Variants in CADM2 observed in about 807,000 individuals in gnomAD.
CADM2 encodes cell adhesion molecule 2.
In CADM2, 12 loss-of-function variants were observed where a neutral mutation model predicts 49.8. That is an observed-to-expected ratio of 0.24 (90% CI 0.15 to 0.39). The LOEUF (loss-of-function observed/expected upper bound fraction) is 0.39. CADM2 is among the 10% of genes least tolerant of loss of function. CADM2 has a pLI of 1.00. For synonymous variants in CADM2, 214 were observed against 175.4 expected, an observed-to-expected ratio of 1.22 and a Z score of -1.74; for missense variants, 378 against 492.3, an observed-to-expected ratio of 0.77 and a Z score of 2.20.
At chr3:85,817,403 T>C (rs1251556646) in intron 3 of CADM2, among the ~76,000 whole-genome samples, 1 of 152,194 alleles carries the variant, frequency 6.6e-6, no homozygotes. Flanking sequence ...CAAATACACA[T>C]AGTCCACCCT....
At chr3:85,718,790 T>C (rs2067390195) in intron 1 of CADM2, among the ~76,000 whole-genome samples, 1 of 151,336 alleles carries the variant, frequency 6.6e-6, no homozygotes, top group Non-Finnish European at 1.5e-5. Flanking sequence ...AATCTCAAAA[T>C]ACACACAAAA....
intron 2 of CADM2, among the ~76,000 whole-genome samples, chr3:85,780,232 C>T (rs1246327846): frequency 6.6e-6 from 1 of 152,108 alleles, no homozygotes; most frequent in African/African-American, 2.4e-5. Context: ...TCAAAAAGGG[C>T]TGTGCGTACT....
intron 1 of CADM2, among the ~76,000 whole-genome samples, chr3:85,707,402 T>TTTTC (rs2066984525): frequency 6.6e-6 from 1 of 150,950 alleles, no homozygotes; most frequent in African/African-American, 2.4e-5. Flanking sequence ...TCTTTTTTTT[T>TTTTC]TTTTTTTTGT....
chr3:85,372,661 CT>C (rs1559806473), intron 1 of CADM2, among the ~76,000 whole-genome samples: 1 of 151,930 alleles, frequency 6.6e-6, no homozygotes, highest in Non-Finnish European at 1.5e-5. Context: ...GTATTAGTCT[CT>C]TTTCATACTG....
chr3:85,773,821 A>T (rs2070223268), intron 2 of CADM2, among the ~76,000 whole-genome samples: 1 of 152,012 alleles, frequency 6.6e-6, no homozygotes, highest in Admixed American at 6.6e-5. Flanking sequence ...CATGGAAAGT[A>T]TTACTAAATA....
chr3:85,088,028 G>T (rs1399033063), intron 1 of CADM2, among the ~76,000 whole-genome samples: 1 of 152,122 alleles, frequency 6.6e-6, no homozygotes, highest in Non-Finnish European at 1.5e-5. Flanking sequence ...TTTGTTCAAG[G>T]ATGATTATTT....
At chr3:85,473,420 A>C (rs1323132276) in intron 1 of CADM2, among the ~76,000 whole-genome samples, 2 of 152,040 alleles carry the variant, frequency 1.3e-5, no homozygotes, top group African/African-American at 4.8e-5. Flanking sequence ...TATCTTCATC[A>C]CTGCACCAGT....
chr3:85,561,792 G>C (rs1016867535), intron 1 of CADM2, among the ~76,000 whole-genome samples: 1 of 152,036 alleles, frequency 6.6e-6, no homozygotes, highest in Non-Finnish European at 1.5e-5. Context: ...AAAATTTAAA[G>C]GCAAATATCA....
intron 9 of CADM2, among the ~76,000 whole-genome samples, chr3:86,066,187 C>T (rs1384814986): frequency 6.6e-6 from 1 of 151,608 alleles, no homozygotes; most frequent in Non-Finnish European, 1.5e-5. Context: ...TTGACATGAC[C>T]GTTTTTAAGA....
intron 1 of CADM2, among the ~76,000 whole-genome samples, chr3:85,023,878 T>G (rs566993393): frequency 6.6e-6 from 1 of 152,214 alleles, no homozygotes; most frequent in African/African-American, 2.4e-5. Context: ...AGAATATTTT[T>G]ACTATCAGAA....
intron 2 of CADM2, among the ~76,000 whole-genome samples, chr3:85,781,233 T>C (rs2070630845): frequency 6.6e-6 from 1 of 152,208 alleles, no homozygotes; most frequent in Non-Finnish European, 1.5e-5. Context: ...AATGGTTTCC[T>C]TTCCATTCTG....
At chr3:85,056,699 C>G (rs2036092387) in intron 1 of CADM2, among the ~76,000 whole-genome samples, 1 of 151,986 alleles carries the variant, frequency 6.6e-6, no homozygotes. Flanking sequence ...AATATATCCC[C>G]TAGTGAAATG....
intron 7 of CADM2, among the ~76,000 whole-genome samples, chr3:85,942,220 TA>T (rs79661748): frequency 3.3e-5 from 5 of 151,886 alleles, no homozygotes; most frequent in Admixed American, 1.3e-4. Flanking sequence ...AAATAGTTGT[TA>T]AAAAAAATAC....
intron 1 of CADM2, among the ~76,000 whole-genome samples, chr3:85,333,180 A>C (rs2044983531): frequency 2.0e-5 from 3 of 151,792 alleles, no homozygotes; most frequent in African/African-American, 7.2e-5. Context: ...TAAAGTGTTA[A>C]TTATAAAAGA....
chr3:85,692,611 G>T (rs1391130253), intron 1 of CADM2, among the ~76,000 whole-genome samples: 1 of 151,968 alleles, frequency 6.6e-6, no homozygotes, highest in African/African-American at 2.4e-5. Flanking sequence ...ACTGAATTTT[G>T]TATTTTGAAG....
At chr3:84,980,005 TTA>T (rs1295261359) in intron 1 of CADM2, among the ~76,000 whole-genome samples, 1 of 152,190 alleles carries the variant, frequency 6.6e-6, no homozygotes, top group Non-Finnish European at 1.5e-5. Flanking sequence ...CAAATACCTA[TTA>T]TTTCCTTTGT....
intron 1 of CADM2, among the ~76,000 whole-genome samples, chr3:85,127,894 T>C (rs1278892340): frequency 1.3e-5 from 2 of 152,172 alleles, no homozygotes; most frequent in Non-Finnish European, 2.9e-5. Context: ...AATCTACGTT[T>C]GCCCCAAACA....
At position 85,288,784 on chromosome 3, in the gene CADM2, G is replaced by GCCCCC. The variant is rs60466682; in HGVS notation, c.61+329123_61+329127dup. Among the ~76,000 whole-genome samples, 8 of 88,256 alleles carry GCCCCC rather than the reference G, an allele frequency of 9.1e-5. 1 individual carries two copies. Among genetic ancestry groups the GCCCCC allele is most frequent in the Middle Eastern group, 8.2e-3 (1 of 122 alleles). 57.9% of individuals were successfully genotyped at this position (88,256 alleles called of 152,430 possible). A position where few individuals can be genotyped will look rare whatever the true frequency, so the allele number is the denominator to read the frequency against. ...CGCCAGTATTCTGCTTTACCAATAT[G>GCCCCC]CCCCCCCCCCCTCTTTTTTTCCATC... On this transcript the variant is annotated intron_variant, in intron 1 of 9. Coordinates refer to ENST00000383699, the MANE Select transcript of CADM2 (RefSeq NM_001167675.2).
At chr3:85,185,997 G>C (rs937486272) in intron 1 of CADM2, among the ~76,000 whole-genome samples, 5 of 152,186 alleles carry the variant, frequency 3.3e-5, no homozygotes, top group African/African-American at 1.2e-4. Context: ...TAGAGTGCCA[G>C]GCAGGTGAAA....
Sources: allele counts gnomAD v4.1 joint callset (sites outside exome capture counted in the v4.1 genomes callset), GRCh38; gene constraint gnomAD v4.1.1; transcripts MANE v1.5; gene names NCBI Gene and HGNC (gene_info 2026-07-23, HGNC 2026-07-21).